The following ARPC5 variants were observed in gnomAD, a reference collection of about 807,000 sequenced individuals.
ARPC5 encodes actin-related protein 2/3 complex subunit 5.
A neutral mutation model predicts 15.4 loss-of-function variants in ARPC5; 5 were observed. That is an observed-to-expected ratio of 0.32 (90% confidence interval 0.17 to 0.68). ARPC5 has a LOEUF of 0.68. ARPC5 is among the 30% of genes least tolerant of loss of function. ARPC5 has a pLI of 0.71. For synonymous variants in ARPC5, 85 were observed against 72.2 expected, an observed-to-expected ratio of 1.18 and a Z score of -0.90; for missense variants, 138 against 192.8, an observed-to-expected ratio of 0.72 and a Z score of 1.68.
At position 183,622,212 on chromosome 1, in the gene ARPC5, G is replaced by C. The variant is rs529201417; in HGVS notation, c.*5320C>G. 6.6e-6 allele frequency: 1 copy of C among 152,184 alleles called. No homozygotes were observed. The highest frequency in any genetic ancestry group is 2.1e-4 in the South Asian group (1 of 4,828). The allele number at this position is 152,184 out of a possible 1,614,324, so 9.4% of individuals were successfully genotyped here. The stretch of plus-strand genomic sequence containing the variant: ...GCCTAAGAATTAAGTGACAATAGTT[G>C]GTTGTCAAAAGAGGAACTAGGGTGG... On this transcript the variant is annotated 3_prime_UTR_variant, in exon 4 of 4. Transcript: ENST00000359856.
intron 1 of ARPC5, 80 bp downstream of exon 1, chr1:183,635,437 G>A (rs1488057825): frequency 1.1e-5 from 16 of 1,460,962 alleles, no homozygotes; most frequent in African/African-American, 1.4e-5. Flanking sequence ...GTGCCCCGCG[G>A]ATCCTGCAGG....
Position 183,622,658 on chromosome 1 carries a change from G to A in ARPC5, c.*4874C>T, listed in dbSNP as rs759639293. 1.3e-5 allele frequency: 2 copies of A among 152,226 alleles called. No homozygotes were observed. The highest frequency in any genetic ancestry group is 2.9e-5 in the Non-Finnish European group (2 of 68,058). The allele number at this position is 152,226 out of a possible 1,614,324, so 9.4% of individuals were successfully genotyped here. On this transcript the variant is annotated 3_prime_UTR_variant, in exon 4 of 4. Transcript: ENST00000359856. Reference sequence around the variant, plus strand: ...AACAGATCATATAAACTCCCATAGTGCCACTGTTAGCCAGATATGAGCTGG... The same window carrying A: ...AACAGATCATATAAACTCCCATAGTACCACTGTTAGCCAGATATGAGCTGG...
chr1:183,633,060 T>C (rs774212758), intron 2 of ARPC5, 22 bp downstream of exon 2: 40 of 1,552,686 alleles, frequency 2.6e-5, no homozygotes, highest in South Asian at 1.3e-4. Flanking sequence ...CAGAGATCAC[T>C]GTGTTGTAGT....
chr1:183,631,917 C>CA (rs1649279370), intron 2 of ARPC5: 2 of 152,212 alleles, frequency 1.3e-5, no homozygotes, highest in South Asian at 4.1e-4. Flanking sequence ...GTGATACCTC[C>CA]AGCATTCCTA....
intron 3 of ARPC5, among the ~76,000 whole-genome samples, chr1:183,628,355 G>T (rs1185609872): frequency 1.3e-5 from 2 of 151,990 alleles, no homozygotes; most frequent in African/African-American, 4.8e-5. Context: ...CCCAAAGAAA[G>T]AAGGTATTGT....
In ARPC5 at chr1:183,627,389, T is replaced by C. The variant is rs186236579; in HGVS notation, c.*143A>G. 32 of 714,492 alleles carry C rather than the reference T, an allele frequency of 4.5e-5. No individual in the cohort carries two copies. In the African/African-American group the frequency reaches 5.1e-4, roughly 11 times the overall value. The allele number at this position is 714,492 out of a possible 1,614,324, so 44.3% of individuals were successfully genotyped here. ...ATTAAAGGACAACTGATATGTAATT[T>C]TTTTCTTTACAGATATGAAAAAGCA... On this transcript the variant is annotated 3_prime_UTR_variant, in exon 4 of 4. Coordinates refer to ENST00000359856, the MANE Select transcript of ARPC5 (RefSeq NM_005717.4).
intron 3 of ARPC5, among the ~76,000 whole-genome samples, chr1:183,629,046 T>C (rs16861298): frequency 0.079 from 12,021 of 152,196 alleles, 920 homozygotes; most frequent in African/African-American, 0.2. Flanking sequence ...CTTGAACAGA[T>C]AGATTTCAGA....
In ARPC5 at chr1:183,633,074, C is replaced by A. The variant is rs767299160; in HGVS notation, c.216+8G>T. On this transcript the variant is annotated splice_region_variant and intron_variant, in intron 2 of 3. Coordinates refer to ENST00000359856, the MANE Select transcript of ARPC5 (RefSeq NM_005717.4). ...GCAGAGATCACTGTGTTGTAGTCTG[C>A]GACTCACCTTCACTGCCTGACTCTT... 5 of 1,594,476 alleles carry A rather than the reference C, an allele frequency of 3.1e-6. No homozygotes were observed. The highest frequency in any genetic ancestry group is 2.7e-5 in the African/African-American group (2 of 73,748).
chr1:183,623,030 G>A lies in ARPC5; in HGVS notation c.*4502C>T, dbSNP rs1648982118. The A allele has an allele frequency of 5.6e-6, 1 of 177,524 alleles. No individual in the cohort carries two copies. Among genetic ancestry groups the A allele is most frequent in the Non-Finnish European group, 1.2e-5 (1 of 82,966 alleles). The allele number at this position is 177,524 out of a possible 1,614,324, so 11.0% of individuals were successfully genotyped here. A position where few individuals can be genotyped will look rare whatever the true frequency, so the allele number is the denominator to read the frequency against. ...GAGATATTTGTTGAACATCAACTATGCCAAGTGAATGTGGGGATGAGTAAG... is the reference window on the plus strand; with the variant it reads ...GAGATATTTGTTGAACATCAACTATACCAAGTGAATGTGGGGATGAGTAAG... On this transcript the variant is annotated 3_prime_UTR_variant, in exon 4 of 4. Coordinates refer to ENST00000359856, the MANE Select transcript of ARPC5 (RefSeq NM_005717.4).
Position 183,625,489 on chromosome 1 carries a change from T to A in ARPC5, c.*2043A>T, listed in dbSNP as rs1649070482. On this transcript the variant is annotated 3_prime_UTR_variant, in exon 4 of 4. Transcript: ENST00000359856. ...TAAGAAGGATTTTATGAAAAAGCAT[T>A]CAGTATCATTTGATTTTAAAGTTTG... 1 of 152,212 alleles carries A rather than the reference T, an allele frequency of 6.6e-6. No individual in the cohort carries two copies. Among genetic ancestry groups the A allele is most frequent in the Non-Finnish European group, 1.5e-5 (1 of 68,034 alleles). 9.4% of individuals were successfully genotyped at this position (152,212 alleles called of 1,614,324 possible).
chr1:183,630,423 AAAG>A, intron 3 of ARPC5, 35 bp downstream of exon 3: 1 of 1,480,162 alleles, frequency 6.8e-7, no homozygotes, highest in Non-Finnish European at 9.1e-7. Flanking sequence ...CCCTATTGTA[AAAG>A]AACCAGTCAT....
chr1:183,621,007 A>T lies in ARPC5; in HGVS notation c.*6525T>A, dbSNP rs1648917963. 6.6e-6 allele frequency: 1 copy of T among 152,186 alleles called. No homozygotes were observed. The highest frequency in any genetic ancestry group is 2.1e-4 in the South Asian group (1 of 4,836). The allele number at this position is 152,186 out of a possible 1,614,324, so 9.4% of individuals were successfully genotyped here. ...AAATATAGAAATACAAAAATATAGA[A>T]AAGAAAATACAACTGGCTATTAGGC... On this transcript the variant is annotated 3_prime_UTR_variant, in exon 4 of 4. Coordinates refer to ENST00000359856, the MANE Select transcript of ARPC5 (RefSeq NM_005717.4).
intron 1 of ARPC5, 74 bp downstream of exon 1, chr1:183,635,443 G>A (rs1013253383): frequency 2.0e-6 from 3 of 1,486,340 alleles, no homozygotes; most frequent in Non-Finnish European, 2.7e-6. Flanking sequence ...CGCGGATCCT[G>A]CAGGCTCCCG....
At chr1:183,632,964 A>G in intron 2 of ARPC5, 118 bp downstream of exon 2, 2 of 789,044 alleles carry the variant, frequency 2.5e-6, no homozygotes, top group Non-Finnish European at 4.1e-6. Flanking sequence ...TACATTATAA[A>G]CTCTTCTATG....
At chr1:183,634,834 GTAT>G (rs1480071073) in intron 1 of ARPC5, among the ~76,000 whole-genome samples, 2 of 150,176 alleles carry the variant, frequency 1.3e-5, no homozygotes, top group Non-Finnish European at 3.0e-5. Context: ...TAGGAGTTTT[GTAT>G]TTTTTGTATT....
intron 1 of ARPC5, among the ~76,000 whole-genome samples, chr1:183,634,500 C>T (rs967257825): frequency 1.3e-5 from 2 of 152,194 alleles, no homozygotes; most frequent in African/African-American, 4.8e-5. Flanking sequence ...CATACAAATT[C>T]AGTGTCTGAG....
Position 183,635,698 on chromosome 1 carries a change from T to A in ARPC5, c.-39A>T. 1 of 1,596,328 alleles carries A rather than the reference T, an allele frequency of 6.3e-7. No homozygotes were observed. Among genetic ancestry groups the A allele is most frequent in the South Asian group, 1.1e-5 (1 of 88,634 alleles). Reference sequence around the variant, plus strand: ...AGCGGCAAAGGCCTCTTCTTGGCGCTGCCTCTACCTCAGCAAGCCCAGCCC... The same window carrying A: ...AGCGGCAAAGGCCTCTTCTTGGCGCAGCCTCTACCTCAGCAAGCCCAGCCC... On this transcript the variant is annotated 5_prime_UTR_variant, in exon 1 of 4. Coordinates refer to ENST00000359856, the MANE Select transcript of ARPC5 (RefSeq NM_005717.4).
chr1:183,630,974 C>T (rs145931802), intron 2 of ARPC5: 13 of 195,146 alleles, frequency 6.7e-5, no homozygotes, highest in African/African-American at 2.5e-4. Context: ...AATGAGAAGA[C>T]ATTGGAAGGT....
chr1:183,632,931 C>T (rs1005440911), intron 2 of ARPC5, 151 bp downstream of exon 2: 4 of 581,912 alleles, frequency 6.9e-6, no homozygotes, highest in Non-Finnish European at 8.9e-6. Context: ...TATTTTTTCA[C>T]GTGAAATTTT....
Sources: gnomAD v4.1 joint callset for allele counts (sites outside exome capture counted in the v4.1 genomes callset) on GRCh38, gnomAD v4.1.1 for gene constraint, MANE v1.5 for transcripts, NCBI Gene and HGNC (gene_info 2026-07-23, HGNC 2026-07-21) for gene names.